MEGF10: variants seen among roughly 807,000 people sequenced by gnomAD.
MEGF10 encodes the protein multiple EGF like domains 10.
In MEGF10, 86 loss-of-function variants were observed where a neutral mutation model predicts 147.5. The ratio of observed to expected loss-of-function variants is 0.58; its 90% CI spans 0.49 to 0.70. The LOEUF is 0.70. Among genes scored for constraint, MEGF10 ranks in the 30% least tolerant of loss-of-function variants. The pLI, the probability that MEGF10 is intolerant of heterozygous loss-of-function variation, is 0.00. For synonymous variants in MEGF10, 478 were observed against 525.5 expected, an observed-to-expected ratio of 0.91 and a Z score of 1.24; for missense variants, 1,329 against 1,487.3, an observed-to-expected ratio of 0.89 and a Z score of 1.75.
intron 5 of MEGF10, among the ~76,000 whole-genome samples, chr5:127,371,983 T>C (rs1762866430): frequency 6.6e-6 from 1 of 152,216 alleles, no homozygotes; most frequent in African/African-American, 2.4e-5. Context: ...GAACCCAGAA[T>C]ATAGGTCTTG....
chr5:127,425,796 G>C (rs936529272), intron 13 of MEGF10, among the ~76,000 whole-genome samples: 5 of 152,168 alleles, frequency 3.3e-5, no homozygotes, highest in African/African-American at 1.2e-4. Flanking sequence ...CACCAGGTTT[G>C]AGGTCAAAAG....
At chr5:127,400,342 T>G (rs1764078490) in intron 7 of MEGF10, among the ~76,000 whole-genome samples, 1 of 152,170 alleles carries the variant, frequency 6.6e-6, no homozygotes, top group African/African-American at 2.4e-5. Flanking sequence ...TGAGCAGGTT[T>G]GAGTAGGCCT....
chr5:127,282,573 G>A, the MEGF10 span, among the ~76,000 whole-genome samples: 1 of 152,190 alleles, frequency 6.6e-6, no homozygotes, highest in African/African-American at 2.4e-5. Flanking sequence ...TGATGACTTA[G>A]AATCTATTGC....
intron 13 of MEGF10, among the ~76,000 whole-genome samples, chr5:127,428,145 T>TTTC (rs1182158270): frequency 5.0e-5 from 7 of 139,788 alleles, no homozygotes; most frequent in African/African-American, 1.9e-4. Flanking sequence ...TCTGGTATTT[T>TTTC]TTTTTTTTTT....
the MEGF10 span, among the ~76,000 whole-genome samples, chr5:127,249,533 AAAATT>A: frequency 1.3e-5 from 2 of 152,084 alleles, no homozygotes; most frequent in African/African-American, 2.4e-5. Context: ...GCAAGATAGT[AAAATT>A]AAAGTCAACC....
At chr5:127,283,645 A>C in the MEGF10 span, among the ~76,000 whole-genome samples, 1 of 152,246 alleles carries the variant, frequency 6.6e-6, no homozygotes, top group African/African-American at 2.4e-5. Flanking sequence ...AGAAGCATCC[A>C]CGTAGGAGTT....
chr5:127,440,684 C>T, intron 17 of MEGF10, 55 bp from the exon 18 acceptor site: 1 of 1,595,432 alleles, frequency 6.3e-7, no homozygotes, highest in African/African-American at 1.3e-5. Flanking sequence ...CACGAGCCTC[C>T]AAGTGTTTCT....
chr5:127,298,228 G>A (rs929771556), intron 1 of MEGF10, among the ~76,000 whole-genome samples: 6 of 152,072 alleles, frequency 3.9e-5, no homozygotes, highest in South Asian at 2.1e-4. Context: ...TGGCTTCAGC[G>A]CTGTCCTGCT....
chr5:127,238,626 T>C, the MEGF10 span, among the ~76,000 whole-genome samples: 4 of 152,222 alleles, frequency 2.6e-5, no homozygotes, highest in Non-Finnish European at 1.5e-5. Context: ...GCGGTCTGGC[T>C]CCTGAGGTGA....
intron 1 of MEGF10, among the ~76,000 whole-genome samples, chr5:127,308,483 T>C (rs1760113128): frequency 6.6e-6 from 1 of 152,130 alleles, no homozygotes; most frequent in Non-Finnish European, 1.5e-5. Flanking sequence ...TTCCGTGTAC[T>C]TAAAGTTAAG....
chr5:127,285,057 T>C, the MEGF10 span, among the ~76,000 whole-genome samples: 5 of 152,328 alleles, frequency 3.3e-5, no homozygotes, highest in East Asian at 9.6e-4. Context: ...AATAATAGAA[T>C]TGTAGAATTT....
intron 2 of MEGF10, among the ~76,000 whole-genome samples, chr5:127,337,943 A>G (rs893776268): frequency 2.0e-5 from 3 of 152,122 alleles, no homozygotes; most frequent in Non-Finnish European, 2.9e-5. Flanking sequence ...ATAAATTGCA[A>G]TATTCCAAAG....
In MEGF10 at chr5:127,398,680, G is replaced by A; in HGVS notation, c.664G>A (p.Glu222Lys). 6.2e-7 allele frequency: 1 copy of A among 1,614,114 alleles called. No individual in the cohort carries two copies. The highest frequency in any genetic ancestry group is 8.5e-7 in the Non-Finnish European group (1 of 1,180,012). ...TGTCACATGTTAATCCCTCAGCTGT[G>A]AGGATCTTTGTCCTCCTGGTAAACA... ...CPPGYTGAFC[E>K]DLCPPGKHGP... The change falls in exon 7 of 25, where the codon GAG (glutamate) becomes AAG (lysine). Residue 222 changes from glutamate to lysine, a missense_variant. Around this residue, in one of 3 missense-constraint regions of MEGF10, gnomAD observed 980 missense variants for 1,085.9 expected, o/e 0.90. Coordinates refer to ENST00000503335, the MANE Select transcript of MEGF10 (RefSeq NM_001256545.2).
At chr5:127,235,521 A>T in the MEGF10 span, among the ~76,000 whole-genome samples, 8 of 152,264 alleles carry the variant, frequency 5.3e-5, no homozygotes, top group Non-Finnish European at 1.0e-4. Flanking sequence ...ATTTGTTGCC[A>T]TATGAATAGC....
At chr5:127,252,554 A>G in the MEGF10 span, among the ~76,000 whole-genome samples, 46 of 151,972 alleles carry the variant, frequency 3.0e-4, no homozygotes, top group Non-Finnish European at 3.8e-4. Flanking sequence ...TTACACATGT[A>G]TTAATGCACA....
chr5:127,389,357 T>C (rs1343048783), intron 5 of MEGF10, among the ~76,000 whole-genome samples: 1 of 152,010 alleles, frequency 6.6e-6, no homozygotes, highest in East Asian at 1.9e-4. Context: ...GTGAAAACAG[T>C]GTGGTGATTC....
the MEGF10 span, among the ~76,000 whole-genome samples, chr5:127,230,354 C>T: frequency 1.3e-5 from 2 of 152,126 alleles, no homozygotes; most frequent in African/African-American, 2.4e-5. Flanking sequence ...TGTTGAAACC[C>T]CGGTGTCCCC....
rs937367373 is a variant in MEGF10 at position 127,458,681 on chromosome 5, A to C, written c.*1363A>C. 6.6e-6 allele frequency: 1 copy of C among 152,196 alleles called. No individual in the cohort carries two copies. The highest frequency in any genetic ancestry group is 2.4e-5 in the African/African-American group (1 of 41,448). 9.4% of individuals were successfully genotyped at this position (152,196 alleles called of 1,614,324 possible). A position where few individuals can be genotyped will look rare whatever the true frequency, so the allele number is the denominator to read the frequency against. On this transcript the variant is annotated 3_prime_UTR_variant, in exon 25 of 25. Transcript: ENST00000503335. ...AGTGATTGGCTTATAAATGAAGTAG[A>C]AATGCTTTTTAATATTCCAAAATAG...
At chr5:127,262,662 C>A in the MEGF10 span, among the ~76,000 whole-genome samples, 2 of 152,254 alleles carry the variant, frequency 1.3e-5, no homozygotes, top group Admixed American at 1.3e-4. Flanking sequence ...AATGTGGGAT[C>A]CCAGCTCACT....
Sources: allele counts gnomAD v4.1 joint callset (sites outside exome capture counted in the v4.1 genomes callset), GRCh38; gene constraint gnomAD v4.1.1; regional missense constraint gnomAD v4.1.1; transcripts MANE v1.5; gene names NCBI Gene and HGNC (gene_info 2026-07-23, HGNC 2026-07-21).